The following CORO2B variants were observed in gnomAD, a reference collection of about 807,000 sequenced individuals.
The protein encoded by CORO2B is coronin 2B, also known as coronin-2B.
Under a neutral mutation model 58.8 loss-of-function variants are expected in CORO2B, and 26 were observed. The ratio of observed to expected loss-of-function variants is 0.44; its 90% CI spans 0.32 to 0.61. The LOEUF is 0.61. Among genes scored for constraint, CORO2B ranks in the 20% least tolerant of loss-of-function variants. The pLI is 0.04. For synonymous variants in CORO2B, 242 were observed against 253.8 expected (o/e 0.95, Z 0.44); for missense variants, 460 against 645.1 (o/e 0.71, Z 3.11).
intron 2 of CORO2B, among the ~76,000 whole-genome samples, chr15:68,669,425 TG>T (rs1437011919): frequency 6.6e-6 from 1 of 152,160 alleles, no homozygotes; most frequent in Non-Finnish European, 1.5e-5. Flanking sequence ...AGGTGGGAAG[TG>T]GCTGTGAAGA....
At chr15:68,715,164 T>G in intron 7 of CORO2B, 51 bp from the exon 8 acceptor site, 1 of 1,525,078 alleles carries the variant, frequency 6.6e-7, no homozygotes, top group Non-Finnish European at 9.1e-7. Flanking sequence ...CAGGCCCTGC[T>G]CTGCCCTCCC....
At chr15:68,575,455 C>T (rs1481593308), upstream of CORO2B, among the ~76,000 whole-genome samples, 1 of 149,638 alleles carries the variant, frequency 6.7e-6, no homozygotes, top group African/African-American at 2.5e-5. Context: ...CTGCCTCAGC[C>T]TCCTGAGTAG....
Position 68,616,457 on chromosome 15 carries a change from C to G in CORO2B, c.16-28703C>G, listed in dbSNP as rs959280824. 3 of 749,628 alleles carry G rather than the reference C, an allele frequency of 4.0e-6. No individual in the cohort carries two copies. In the South Asian group the frequency reaches 1.8e-4, roughly 45 times the overall value. The allele number at this position is 749,628 out of a possible 1,614,324, so 46.4% of individuals were successfully genotyped here. A position where few individuals can be genotyped will look rare whatever the true frequency, so the allele number is the denominator to read the frequency against. ...GTCTTGCTCAAGGTCACCCAGCCCC[C>G]ACCAAGGTCTCTTGCTGCCCGGCCT... On this transcript the variant is annotated intron_variant, in intron 1 of 11. Coordinates refer to ENST00000261861, the MANE Select transcript of CORO2B (RefSeq NM_006091.5).
chr15:68,628,688 G>T (rs899450780), intron 1 of CORO2B, among the ~76,000 whole-genome samples: 3 of 152,136 alleles, frequency 2.0e-5, no homozygotes, highest in Admixed American at 1.3e-4. Context: ...CACCACAGTT[G>T]ATGGACAAAT....
chr15:68,689,642 C>G (rs1160379430), intron 2 of CORO2B, among the ~76,000 whole-genome samples: 1 of 152,124 alleles, frequency 6.6e-6, no homozygotes, highest in African/African-American at 2.4e-5. Context: ...ACAGACAGGA[C>G]CAAGTTTGGT....
intron 1 of CORO2B, among the ~76,000 whole-genome samples, chr15:68,604,772 G>C (rs1259144307): frequency 6.6e-6 from 1 of 152,172 alleles, no homozygotes; most frequent in Non-Finnish European, 1.5e-5. Flanking sequence ...TGCCTTTCTA[G>C]ATTGTGCATT....
intron 2 of CORO2B, among the ~76,000 whole-genome samples, chr15:68,668,487 G>A (rs907044692): frequency 3.9e-5 from 6 of 152,224 alleles, no homozygotes; most frequent in Non-Finnish European, 7.3e-5. Flanking sequence ...GGATATGTTA[G>A]GTAAGACAGT....
intron 2 of CORO2B, among the ~76,000 whole-genome samples, chr15:68,675,104 T>G (rs2140298299): frequency 6.6e-6 from 1 of 152,324 alleles, no homozygotes; most frequent in East Asian, 1.9e-4. Flanking sequence ...AGTATTGTTC[T>G]CAGCTCCGTG....
intron 1 of CORO2B, among the ~76,000 whole-genome samples, chr15:68,587,049 TACACACACACACACACACACACACAC>T (rs58729813): frequency 1.1e-3 from 66 of 57,932 alleles, no homozygotes; most frequent in African/African-American, 2.9e-3. Flanking sequence ...GAGATATGTA[TACACACACACACACACACACACACAC>T]ACACACACAC....
chr15:68,606,845 G>A (rs1900136358), intron 1 of CORO2B, among the ~76,000 whole-genome samples: 1 of 152,162 alleles, frequency 6.6e-6, no homozygotes, highest in African/African-American at 2.4e-5. Context: ...GGACATGGAA[G>A]ACATTACGGG....
At chr15:68,639,555 C>G (rs1269137789) in intron 1 of CORO2B, among the ~76,000 whole-genome samples, 1 of 152,188 alleles carries the variant, frequency 6.6e-6, no homozygotes, top group African/African-American at 2.4e-5. Context: ...CCCAAAACTC[C>G]TCTCTGTTCC....
intron 1 of CORO2B, among the ~76,000 whole-genome samples, chr15:68,583,574 G>T (rs1157992487): frequency 6.6e-6 from 1 of 152,202 alleles, no homozygotes; most frequent in Admixed American, 6.5e-5. Context: ...TGCCCTAGAT[G>T]GAAGAAGCAT....
the CORO2B span, among the ~76,000 whole-genome samples, chr15:68,521,189 T>A: frequency 6.6e-6 from 1 of 152,360 alleles, no homozygotes; most frequent in East Asian, 1.9e-4. Flanking sequence ...AGACCTGTTT[T>A]ATGTTCCCTT....
chr15:68,602,992 T>G (rs1900021259), intron 1 of CORO2B, among the ~76,000 whole-genome samples: 2 of 152,170 alleles, frequency 1.3e-5, no homozygotes, highest in African/African-American at 2.4e-5. Context: ...CCACACTGGC[T>G]TAACACCATC....
chr15:68,700,884 C>T (rs920772592), intron 3 of CORO2B, among the ~76,000 whole-genome samples: 12 of 151,984 alleles, frequency 7.9e-5, no homozygotes, highest in African/African-American at 1.5e-4. Flanking sequence ...AAGAGGCAGG[C>T]GCCTCTTGCT....
intron 2 of CORO2B, among the ~76,000 whole-genome samples, chr15:68,657,371 G>A (rs1489046455): frequency 6.6e-6 from 1 of 152,000 alleles, no homozygotes; most frequent in Non-Finnish European, 1.5e-5. Flanking sequence ...AAAAAAATTA[G>A]CCAGGTGTGG....
chr15:68,706,433 A>T (rs1401613248), intron 3 of CORO2B, among the ~76,000 whole-genome samples: 1 of 152,220 alleles, frequency 6.6e-6, no homozygotes, highest in Non-Finnish European at 1.5e-5. Flanking sequence ...GGCATGGGCA[A>T]GTTCAACACC....
At chr15:68,582,857 T>C (rs571517171) in intron 1 of CORO2B, among the ~76,000 whole-genome samples, 111 of 152,264 alleles carry the variant, frequency 7.3e-4, no homozygotes, top group African/African-American at 2.6e-3. Context: ...CTGTGTTAAG[T>C]TAGACGCTAG....
the CORO2B span, among the ~76,000 whole-genome samples, chr15:68,551,228 G>A: frequency 2.0e-5 from 3 of 152,026 alleles, no homozygotes; most frequent in East Asian, 1.9e-4. Flanking sequence ...CACAGGGCAC[G>A]GAGCCAGGAT....
Sources: gnomAD v4.1 joint callset for allele counts (sites outside exome capture counted in the v4.1 genomes callset) on GRCh38, gnomAD v4.1.1 for gene constraint, MANE v1.5 for transcripts, NCBI Gene and HGNC (gene_info 2026-07-23, HGNC 2026-07-21) for gene names.